Variants in ABCC11 observed in about 807,000 individuals in gnomAD.
The protein encoded by ABCC11 is ATP-binding cassette sub-family C member 11.
ABCC11 carries 135 observed loss-of-function variants against 149.3 expected under a neutral mutation model. The observed-to-expected ratio is 0.90, with a 90% CI of 0.79 to 1.04. ABCC11 has a LOEUF of 1.04. Ranked by LOEUF, ABCC11 falls within the 50% of genes least tolerant of loss-of-function variation. The pLI, the probability that ABCC11 is intolerant of heterozygous loss-of-function variation, is 0.00. For missense variants in ABCC11, 1,680 were observed against 1,722.1 expected (o/e 0.98, Z 0.43); for synonymous variants, 665 against 671.4 (o/e 0.99, Z 0.15).
rs1966805685 is a variant in ABCC11, at chr16:48,187,292, C to A, written c.2842G>T (p.Val948Leu). The A allele has an allele frequency of 6.2e-7, 1 of 1,614,004 alleles. No individual in the cohort carries two copies. The highest frequency in any genetic ancestry group is 1.3e-5 in the African/African-American group (1 of 74,898). Residue 948 changes from valine to leucine, a missense_variant, in exon 21 of 30, where the codon GTG becomes TTG. Coordinates refer to ENST00000356608, the MANE Select transcript of ABCC11 (RefSeq NM_001370497.1). ...SEQFLVLSLM[V>L]IAVLLIVSVL... ...CTGACAATCAACAGGACGGCGATCACCATTAAGGACAGGACCAGGAACTGC... is the reference window on the plus strand; with the variant it reads ...CTGACAATCAACAGGACGGCGATCAACATTAAGGACAGGACCAGGAACTGC...
intron 26 of ABCC11, among the ~76,000 whole-genome samples, chr16:48,172,989 C>T (rs1178734425): frequency 2.6e-5 from 4 of 152,192 alleles, no homozygotes; most frequent in African/African-American, 9.7e-5. Context: ...GTGCCAGCCA[C>T]GCATATCTTG....
intron 15 of ABCC11, 75 bp from the exon 16 acceptor site, chr16:48,198,350 T>G (rs1326277002): frequency 6.8e-7 from 1 of 1,463,380 alleles, no homozygotes. Flanking sequence ...ACCAGGAAAA[T>G]GTAAATTTAA....
chr16:48,224,781 G>T (rs977866580), intron 4 of ABCC11, among the ~76,000 whole-genome samples: 56 of 152,172 alleles, frequency 3.7e-4, no homozygotes, highest in Middle Eastern at 3.2e-3. Flanking sequence ...CCAGCACTTT[G>T]GGAGGCTAAG....
chr16:48,181,150 G>A (rs1467632428), intron 23 of ABCC11, among the ~76,000 whole-genome samples: 4 of 152,328 alleles, frequency 2.6e-5, no homozygotes, highest in East Asian at 3.9e-4. Flanking sequence ...AAGCAGCAGC[G>A]GGAGGGATTT....
At position 48,211,206 on chromosome 16, in the gene ABCC11, A is replaced by G; in HGVS notation, c.1357-7T>C. On this transcript the variant is annotated splice_polypyrimidine_tract_variant and splice_region_variant and intron_variant, in intron 10 of 29. Transcript: ENST00000356608. Reference sequence around the variant, plus strand: ...TCTCCTGGAGGAAAAACTTCTGTAAAGACAGAAAAAAATAGAGGGAGGAGG... The same window carrying G: ...TCTCCTGGAGGAAAAACTTCTGTAAGGACAGAAAAAAATAGAGGGAGGAGG... 6.2e-7 allele frequency: 1 copy of G among 1,612,586 alleles called. No individual in the cohort carries two copies. Among genetic ancestry groups the G allele is most frequent in the Non-Finnish European group, 8.5e-7 (1 of 1,179,292 alleles).
chr16:48,184,821 C>T (rs531310281), intron 22 of ABCC11, among the ~76,000 whole-genome samples, 195 bp from the exon 23 acceptor site: 6 of 152,358 alleles, frequency 3.9e-5, no homozygotes, highest in African/African-American at 1.4e-4. Context: ...GACTCCTAAC[C>T]CAGATTGAGG....
At chr16:48,169,677 A>G (rs554252860) in intron 28 of ABCC11, among the ~76,000 whole-genome samples, 1 of 149,814 alleles carries the variant, frequency 6.7e-6, no homozygotes, top group African/African-American at 2.5e-5. Context: ...CAAAAAACCA[A>G]ACACTGCATG....
intron 1 of ABCC11, among the ~76,000 whole-genome samples, chr16:48,246,648 G>T (rs1055884153): frequency 2.6e-5 from 4 of 152,118 alleles, no homozygotes; most frequent in African/African-American, 9.7e-5. Context: ...GTAGCCCACC[G>T]CAACCTTGAT....
At chr16:48,220,775 C>T (rs1246642114) in intron 6 of ABCC11, among the ~76,000 whole-genome samples, 6 of 152,152 alleles carry the variant, frequency 3.9e-5, no homozygotes, top group South Asian at 2.1e-4. Flanking sequence ...ATTTATGGAA[C>T]GCCTCTACTT....
At chr16:48,244,152 G>T in intron 1 of ABCC11, 1 of 452,070 alleles carries the variant, frequency 2.2e-6, no homozygotes, top group Non-Finnish European at 3.9e-6. Context: ...GTGAGGCGAA[G>T]GTCGCTGCAC....
chr16:48,199,738 T>C (rs1967778859), intron 15 of ABCC11, among the ~76,000 whole-genome samples: 1 of 135,660 alleles, frequency 7.4e-6, no homozygotes, highest in Non-Finnish European at 1.5e-5. Context: ...TGGAGTGCAG[T>C]GGCACTCACA....
At chr16:48,183,361 C>CCA (rs1403688685) in intron 23 of ABCC11, among the ~76,000 whole-genome samples, 1 of 152,264 alleles carries the variant, frequency 6.6e-6, no homozygotes, top group Non-Finnish European at 1.5e-5. Context: ...CGCTCTCTCT[C>CCA]CACATCTCTC....
At chr16:48,199,889 T>C (rs1967796196) in intron 15 of ABCC11, among the ~76,000 whole-genome samples, 1 of 151,988 alleles carries the variant, frequency 6.6e-6, no homozygotes, top group Non-Finnish European at 1.5e-5. Flanking sequence ...TTGCCCAGGC[T>C]GGTCTTGAAC....
At chr16:48,199,228 T>C (rs1379699719) in intron 15 of ABCC11, among the ~76,000 whole-genome samples, 1 of 151,984 alleles carries the variant, frequency 6.6e-6, no homozygotes, top group Non-Finnish European at 1.5e-5. Flanking sequence ...ACTGTAGAAG[T>C]ATGAAGACAT....
chr16:48,240,855 C>A (rs1360775697), intron 1 of ABCC11, among the ~76,000 whole-genome samples: 1 of 151,854 alleles, frequency 6.6e-6, no homozygotes, highest in Non-Finnish European at 1.5e-5. Flanking sequence ...TGGCAGATAC[C>A]ACCTTCACCA....
intron 17 of ABCC11, among the ~76,000 whole-genome samples, chr16:48,197,390 T>A (rs535657220): frequency 6.6e-6 from 1 of 152,186 alleles, no homozygotes; most frequent in South Asian, 2.1e-4. Flanking sequence ...GGCTTCCCTA[T>A]ATATGACCTC....
intron 1 of ABCC11, among the ~76,000 whole-genome samples, chr16:48,246,821 G>A (rs1971415096): frequency 6.6e-6 from 1 of 152,104 alleles, no homozygotes; most frequent in South Asian, 2.1e-4. Flanking sequence ...GCTATCCCCT[G>A]CTTTGGCCTC....
At chr16:48,210,845 G>A (rs183808754) in intron 11 of ABCC11, 103 bp downstream of exon 11, 9 of 1,457,598 alleles carry the variant, frequency 6.2e-6, no homozygotes, top group Non-Finnish European at 8.3e-6. Context: ...CTTGGAGAGG[G>A]CAGTTTTTAA....
At chr16:48,240,163 C>T (rs1042982855) in intron 1 of ABCC11, among the ~76,000 whole-genome samples, 9 of 152,204 alleles carry the variant, frequency 5.9e-5, no homozygotes, top group African/African-American at 2.2e-4. Context: ...ACCCAGCAAT[C>T]CCATTACTGG....
Sources: gnomAD v4.1 joint callset for allele counts (sites outside exome capture counted in the v4.1 genomes callset) on GRCh38, gnomAD v4.1.1 for gene constraint, MANE v1.5 for transcripts, NCBI Gene and HGNC (gene_info 2026-07-23, HGNC 2026-07-21) for gene names.